Variants in MAGI2 observed in about 807,000 individuals in gnomAD.
MAGI2 encodes the protein membrane associated guanylate kinase, WW and PDZ domain containing 2.
A neutral mutation model predicts 133.3 loss-of-function variants in MAGI2; 35 were observed. The observed-to-expected ratio is 0.26, with a 90% confidence interval of 0.20 to 0.35. The LOEUF (loss-of-function observed/expected upper bound fraction) is 0.35. MAGI2 is among the 10% of genes least tolerant of loss of function. The pLI, the probability that MAGI2 is intolerant of heterozygous loss-of-function variation, is 1.00. For synonymous variants in MAGI2, 729 were observed against 710.6 expected (o/e 1.03, Z -0.41); for missense variants, 1,636 against 1,863.4 (o/e 0.88, Z 2.25).
At chr7:79,029,890 G>C (rs1194267632) in intron 1 of MAGI2, among the ~76,000 whole-genome samples, 7 of 152,094 alleles carry the variant, frequency 4.6e-5, no homozygotes, top group Admixed American at 4.6e-4. Flanking sequence ...TTTGTTCCAA[G>C]CAATTTCTTC....
intron 9 of MAGI2, among the ~76,000 whole-genome samples, chr7:78,343,314 T>C (rs1298338626): frequency 6.6e-6 from 1 of 152,194 alleles, no homozygotes; most frequent in East Asian, 1.9e-4. Flanking sequence ...AAACATAATA[T>C]AGGGACATAT....
intron 2 of MAGI2, among the ~76,000 whole-genome samples, chr7:78,849,818 CTTT>C (rs1304533368): frequency 1.3e-5 from 2 of 151,852 alleles, no homozygotes; most frequent in Non-Finnish European, 2.9e-5. Flanking sequence ...TGCTTTTATT[CTTT>C]ATTTTGTTAT....
intron 20 of MAGI2, among the ~76,000 whole-genome samples, chr7:78,103,480 G>C (rs1277347148): frequency 6.6e-6 from 1 of 152,110 alleles, no homozygotes; most frequent in African/African-American, 2.4e-5. Flanking sequence ...TAATGCCCTA[G>C]AACACATGAG....
intron 6 of MAGI2, among the ~76,000 whole-genome samples, chr7:78,385,237 G>T (rs1290819312): frequency 6.6e-6 from 1 of 152,162 alleles, no homozygotes; most frequent in Non-Finnish European, 1.5e-5. Context: ...AACGTGATTT[G>T]GGTGGAAAAG....
At chr7:78,389,920 TTAG>T (rs1320399196) in intron 6 of MAGI2, among the ~76,000 whole-genome samples, 1 of 152,220 alleles carries the variant, frequency 6.6e-6, no homozygotes, top group African/African-American at 2.4e-5. Context: ...ACGTAGACTC[TTAG>T]TAGCTTTTAT....
chr7:78,268,492 G>A (rs1052383885), intron 9 of MAGI2, among the ~76,000 whole-genome samples: 2 of 152,070 alleles, frequency 1.3e-5, no homozygotes, highest in East Asian at 1.9e-4. Flanking sequence ...TTGAAGTAGC[G>A]TGATGAAGAA....
At chr7:78,896,715 G>T (rs1419689675) in intron 2 of MAGI2, among the ~76,000 whole-genome samples, 11 of 151,810 alleles carry the variant, frequency 7.2e-5, no homozygotes, top group Non-Finnish European at 1.0e-4. Context: ...CTACAGATGC[G>T]TGCCACTACG....
intron 21 of MAGI2, among the ~76,000 whole-genome samples, chr7:78,028,725 C>A (rs976863903): frequency 6.6e-6 from 1 of 151,678 alleles, no homozygotes. Context: ...CATGGTGGCA[C>A]GTGCCTGTAA....
intron 2 of MAGI2, among the ~76,000 whole-genome samples, chr7:78,633,550 A>AAACAAACAAAC (rs1809274995): frequency 6.6e-6 from 1 of 151,788 alleles, no homozygotes; most frequent in African/African-American, 2.4e-5. Context: ...CTAAAAATAC[A>AAACAAACAAAC]AAAAAATTAG....
At chr7:78,695,615 C>T (rs1332262194) in intron 2 of MAGI2, among the ~76,000 whole-genome samples, 1 of 152,112 alleles carries the variant, frequency 6.6e-6, no homozygotes, top group African/African-American at 2.4e-5. Context: ...TGAATCTCAG[C>T]AGAGTTTAAT....
intron 2 of MAGI2, among the ~76,000 whole-genome samples, chr7:78,658,276 A>T (rs1029835135): frequency 3.0e-4 from 37 of 124,772 alleles, no homozygotes; most frequent in African/African-American, 9.9e-4. Flanking sequence ...ATCCATAGGC[A>T]AAAAGTGGTT....
At chr7:78,971,812 C>T (rs1216802020) in intron 2 of MAGI2, among the ~76,000 whole-genome samples, 1 of 151,900 alleles carries the variant, frequency 6.6e-6, no homozygotes, top group Non-Finnish European at 1.5e-5. Context: ...GGGGTTTCAT[C>T]AGGCTAGATG....
chr7:78,677,321 T>C (rs1313152519), intron 2 of MAGI2, among the ~76,000 whole-genome samples: 1 of 151,184 alleles, frequency 6.6e-6, no homozygotes, highest in East Asian at 1.9e-4. Context: ...TATATAATTA[T>C]ATAAATGTAT....
chr7:79,359,934 A>C (rs2129121348), intron 1 of MAGI2, among the ~76,000 whole-genome samples: 1 of 152,320 alleles, frequency 6.6e-6, no homozygotes, highest in South Asian at 2.1e-4. Flanking sequence ...AGGCTGAAGC[A>C]AATCTGACTG....
chr7:78,530,855 A>C (rs1418912336), intron 3 of MAGI2, among the ~76,000 whole-genome samples: 1 of 152,192 alleles, frequency 6.6e-6, no homozygotes, highest in Non-Finnish European at 1.5e-5. Flanking sequence ...AATAGGCTTC[A>C]TAGGCTCCAT....
intron 1 of MAGI2, among the ~76,000 whole-genome samples, chr7:79,170,137 CTTTTTTTT>C (rs10539344): frequency 4.0e-4 from 17 of 42,956 alleles, no homozygotes; most frequent in African/African-American, 9.5e-4. Flanking sequence ...AGATATTATA[CTTTTTTTT>C]TTTTTTTTTT....
chr7:79,349,443 C>T (rs184953107), intron 1 of MAGI2, among the ~76,000 whole-genome samples: 5 of 151,818 alleles, frequency 3.3e-5, no homozygotes, highest in African/African-American at 9.7e-5. Context: ...AATAAGATGA[C>T]CTTCAAAGAT....
intron 2 of MAGI2, among the ~76,000 whole-genome samples, chr7:78,758,517 T>A (rs1441971816): frequency 6.6e-6 from 1 of 152,250 alleles, no homozygotes; most frequent in African/African-American, 2.4e-5. Flanking sequence ...TGTGTTTAGA[T>A]GTACTTCAGA....
At chr7:79,224,686 T>C (rs1300415515) in intron 1 of MAGI2, among the ~76,000 whole-genome samples, 1 of 150,912 alleles carries the variant, frequency 6.6e-6, no homozygotes. Context: ...GACTCTCATA[T>C]GCTTTACGCT....
Sources: allele counts gnomAD v4.1 joint callset (sites outside exome capture counted in the v4.1 genomes callset), GRCh38; gene constraint gnomAD v4.1.1; transcripts MANE v1.5; gene names NCBI Gene and HGNC (gene_info 2026-07-23, HGNC 2026-07-21).